The following SDS variants were observed in gnomAD, a reference collection of about 807,000 sequenced individuals.
SDS encodes the protein L-serine dehydratase/L-threonine deaminase.
Under a neutral mutation model 29.3 loss-of-function variants are expected in SDS, and 19 were observed. The ratio of observed to expected loss-of-function variants is 0.65; its 90% CI spans 0.45 to 0.95. The LOEUF is 0.95. Among genes scored for constraint, SDS ranks in the 40% least tolerant of loss-of-function variants. The pLI, the probability that SDS is intolerant of heterozygous loss-of-function variation, is 0.00. For missense variants in SDS, 375 were observed against 439.9 expected (o/e 0.85, Z 1.32); for synonymous variants, 176 against 189.0 (o/e 0.93, Z 0.56).
At position 113,392,805 on chromosome 12, in the gene SDS, C is replaced by T; in HGVS notation, c.*136G>A. On this transcript the variant is annotated 3_prime_UTR_variant, in exon 8 of 8. Transcript: ENST00000257549. ...CGACCTTTGGCCTCTGCATAGTGGG[C>T]TCCTGATAACAAGAAGTTAACCTGC... is the stretch of plus-strand genomic sequence containing the variant. 1 of 837,476 alleles carries T rather than the reference C, an allele frequency of 1.2e-6. No homozygotes were observed. The highest frequency in any genetic ancestry group is 1.4e-5 in the South Asian group (1 of 69,318). 51.9% of individuals were successfully genotyped at this position (837,476 alleles called of 1,614,324 possible).
chr12:113,396,449 CTCTCTT>C (rs1170215899), intron 6 of SDS, among the ~76,000 whole-genome samples: 1 of 142,770 alleles, frequency 7.0e-6, no homozygotes, highest in Non-Finnish European at 1.5e-5. Context: ...CTTTTTCTTT[CTCTCTT>C]TCTCTTTCTC....
intron 1 of SDS, 39 bp from the exon 2 acceptor site, chr12:113,399,749 T>C (rs747687392): frequency 6.8e-7 from 1 of 1,481,274 alleles, no homozygotes; most frequent in Non-Finnish European, 9.0e-7. Flanking sequence ...TTAGGAGAGC[T>C]AGCCCCGGTG....
At chr12:113,403,536 A>T (rs55736591) in intron 1 of SDS, among the ~76,000 whole-genome samples, 4,161 of 151,016 alleles carry the variant, frequency 0.028, 107 homozygotes, top group Middle Eastern at 0.11. Flanking sequence ...AAAAAAAAAA[A>T]TTTTTTTTGT....
In SDS at chr12:113,393,886, A is replaced by G. The variant is rs1373954526; in HGVS notation, c.778+6T>C. 6.2e-7 allele frequency: 1 copy of G among 1,614,224 alleles called. No individual in the cohort carries two copies. The highest frequency in any genetic ancestry group is 1.1e-5 in the South Asian group (1 of 91,090). Reference sequence around the variant, plus strand: ...AGGTCAGGTCATGGGAGGACCTGGCACATACCCACGAACTTCTCAATGGCG... The same window carrying G: ...AGGTCAGGTCATGGGAGGACCTGGCGCATACCCACGAACTTCTCAATGGCG... On this transcript the variant is annotated splice_donor_region_variant and intron_variant, in intron 7 of 7. Transcript: ENST00000257549.
intron 5 of SDS, 33 bp downstream of exon 5, chr12:113,398,482 C>T (rs1183564743): frequency 7.0e-7 from 1 of 1,426,324 alleles, no homozygotes; most frequent in Non-Finnish European, 9.7e-7. Context: ...CAGTGGCTGC[C>T]ACCCCCACCA....
Position 113,398,843 on chromosome 12 carries a change from C to A in SDS, c.197G>T (p.Gly66Val). The change falls in exon 4 of 8, where the codon GGC becomes GTC. Residue 66 changes from glycine to valine, a missense_variant. Transcript: ENST00000257549. ...GCAHFVCSSAGNAGMAAAYAA... is the reference protein window; with the variant it reads ...GCAHFVCSSAVNAGMAAAYAA... ...ATATGCAGCCGCCATGCCTGCGTTG[C>A]CCGCTGCCAGGGTCGGGGGTGGAGA... The A allele has an allele frequency of 6.2e-7, 1 of 1,603,294 alleles. No homozygotes were observed. Among genetic ancestry groups the A allele is most frequent in the South Asian group, 1.1e-5 (1 of 89,856 alleles).
Position 113,397,323 on chromosome 12 carries a change from C to T in SDS, c.495G>A (p.Leu165=), listed in dbSNP as rs769736002. The T allele has an allele frequency of 6.2e-7, 1 of 1,614,100 alleles. No homozygotes were observed. Among genetic ancestry groups the T allele is most frequent in the Non-Finnish European group, 8.5e-7 (1 of 1,179,946 alleles). Residue 165 remains leucine, a synonymous_variant, in exon 6 of 8, where the codon CTG becomes CTA. Transcript: ENST00000257549. ...TLWEKPGAIA[L]SVGGGGLLCG... is the part of the protein sequence containing the mutation. ...ACAGCAGGCCCCCGCCGCCCACTGACAGCGCGATGGCCCCCGGCTTTTCCC... is the reference window on the plus strand; with the variant it reads ...ACAGCAGGCCCCCGCCGCCCACTGATAGCGCGATGGCCCCCGGCTTTTCCC...
rs1565870422 is a variant in SDS at position 113,399,730 on chromosome 12, C to A, written c.-2-20G>T. The A allele has an allele frequency of 1.3e-6, 2 of 1,546,218 alleles. No individual in the cohort carries two copies. The highest frequency in any genetic ancestry group is 2.3e-5 in the East Asian group (1 of 42,902). On this transcript the variant is annotated intron_variant, in intron 1 of 7. Transcript: ENST00000257549. Reference sequence around the variant, plus strand: ...TCATTCCTGGGAGAAAGGAAGGAAACCCAGAGGGTTAGGAGAGCTAGCCCC... The same window carrying A: ...TCATTCCTGGGAGAAAGGAAGGAAAACCAGAGGGTTAGGAGAGCTAGCCCC...
chr12:113,393,170 CAG>C (rs1180260127), intron 7 of SDS, 21 bp from the exon 8 acceptor site: 12 of 1,611,468 alleles, frequency 7.4e-6, no homozygotes, highest in African/African-American at 1.3e-5. Context: ...AGGGGCGTGA[CAG>C]GGGCGTGGCC....
chr12:113,394,839 C>T (rs1957635430), intron 6 of SDS, among the ~76,000 whole-genome samples: 2 of 152,160 alleles, frequency 1.3e-5, no homozygotes, highest in Admixed American at 6.5e-5. Flanking sequence ...CTGCCCACAT[C>T]CTGCTGTGTC....
At chr12:113,396,045 G>C (rs1273023294) in intron 6 of SDS, among the ~76,000 whole-genome samples, 1 of 152,220 alleles carries the variant, frequency 6.6e-6, no homozygotes, top group African/African-American at 2.4e-5. Context: ...GTTGCGGTGA[G>C]CTGAGATTGT....
intron 2 of SDS, 133 bp from the exon 3 acceptor site, chr12:113,399,284 T>A (rs997510514): frequency 3.0e-6 from 3 of 991,486 alleles, no homozygotes; most frequent in Non-Finnish European, 4.7e-6. Context: ...GTTCTACCCT[T>A]GTCTGAGACT....
chr12:113,398,054 G>C (rs932595273), intron 5 of SDS, among the ~76,000 whole-genome samples: 21 of 147,462 alleles, frequency 1.4e-4, no homozygotes, highest in Non-Finnish European at 3.0e-4. Flanking sequence ...TGTAACGTGT[G>C]TTTCTTCTTT....
intron 1 of SDS, among the ~76,000 whole-genome samples, chr12:113,402,561 G>A (rs1298956088): frequency 6.6e-6 from 1 of 152,198 alleles, no homozygotes; most frequent in Non-Finnish European, 1.5e-5. Flanking sequence ...CCAAAGTGCT[G>A]GGATTACAGG....
chr12:113,394,712 T>C (rs1342553261), intron 6 of SDS, among the ~76,000 whole-genome samples: 1 of 152,122 alleles, frequency 6.6e-6, no homozygotes, highest in Admixed American at 6.5e-5. Context: ...TGATCAACAC[T>C]AAGTCAGGAG....
At position 113,399,516 on chromosome 12, in the gene SDS, C is replaced by A. The variant is rs778065284; in HGVS notation, c.153+40G>T. On this transcript the variant is annotated intron_variant, in intron 2 of 7. Coordinates refer to ENST00000257549, the MANE Select transcript of SDS (RefSeq NM_006843.3). The stretch of plus-strand genomic sequence containing the variant: ...CCCTGCCCTGTTGAGGAAGGAGGAC[C>A]TGCCACCCCTGCCCAGATAATGCTG... The A allele has an allele frequency of 3.4e-5, 51 of 1,500,084 alleles. No individual in the cohort carries two copies. The Admixed American group carries it at 1.1e-3, about 34-fold the overall frequency. The allele number at this position is 1,500,084 out of a possible 1,614,324, so 92.9% of individuals were successfully genotyped here. A position where few individuals can be genotyped will look rare whatever the true frequency, so the allele number is the denominator to read the frequency against.
intron 7 of SDS, 29 bp from the exon 8 acceptor site, chr12:113,393,178 T>A (rs1197602874): frequency 1.9e-6 from 3 of 1,606,964 alleles, no homozygotes; most frequent in Non-Finnish European, 2.6e-6. Flanking sequence ...GACAGGGGCG[T>A]GGCCTGAGTT....
At chr12:113,394,636 G>A (rs767069692) in intron 6 of SDS, among the ~76,000 whole-genome samples, 8 of 151,984 alleles carry the variant, frequency 5.3e-5, no homozygotes, top group African/African-American at 9.7e-5. Context: ...CACCATGCCC[G>A]ACCCCAGGCT....
chr12:113,394,281 A>T lies in SDS; in HGVS notation c.654-265T>A, dbSNP rs563680939. On this transcript the variant is annotated intron_variant, in intron 6 of 7. Transcript: ENST00000257549. ...GTATCATTTTTTTAATTTTTTTGAG[A>T]CTGAGTGTCACTATGTTGCCCAGGC... Among the ~76,000 whole-genome samples the T allele has an allele frequency of 5.4e-5, 8 of 148,366 alleles. No homozygotes were observed. In the East Asian group the frequency reaches 1.6e-3, roughly 29 times the overall value.
Sources: gnomAD v4.1 joint callset for allele counts (sites outside exome capture counted in the v4.1 genomes callset) on GRCh38, gnomAD v4.1.1 for gene constraint, MANE v1.5 for transcripts, NCBI Gene and HGNC (gene_info 2026-07-23, HGNC 2026-07-21) for gene names.